The following KCNQ1OT1 variants were observed in gnomAD, a reference collection of about 807,000 sequenced individuals.
The protein encoded by KCNQ1OT1 is KCNQ1 opposite strand/antisense transcript 1.
Position 2,661,641 on chromosome 11 carries a change from C to A in KCNQ1OT1, n.38354G>T. ...TCTGTTTTATTCTTGACCCAAGTGT[C>A]AGTTGTGAACATGGGAAGAGGCCCA... On this transcript the variant is annotated non_coding_transcript_exon_variant, in exon 1 of 1. Transcript: ENST00000597346. The surrounding 1 kb of genome is among the most constrained non-coding windows in gnomAD (Gnocchi z 5.9). 1 of 592,386 alleles carries A rather than the reference C, an allele frequency of 1.7e-6. No homozygotes were observed. Among genetic ancestry groups the A allele is most frequent in the South Asian group, 2.1e-5 (1 of 48,048 alleles). 36.7% of individuals were successfully genotyped at this position (592,386 alleles called of 1,614,324 possible).
Position 2,691,060 on chromosome 11 carries a change from A to G in KCNQ1OT1, n.8935T>C. 1 of 398,672 alleles carries G rather than the reference A, an allele frequency of 2.5e-6. No individual in the cohort carries two copies. Among genetic ancestry groups the G allele is most frequent in the Non-Finnish European group, 4.4e-6 (1 of 226,076 alleles). The allele number at this position is 398,672 out of a possible 1,614,324, so 24.7% of individuals were successfully genotyped here. ...CAGGATATGCTGGGTGAGGGAAATA[A>G]TGGAGGCACCTTTGTTCTAGATGCC... On this transcript the variant is annotated non_coding_transcript_exon_variant, in exon 1 of 1. Transcript: ENST00000597346. This position sits in a 1 kb window ranked among gnomAD's most constrained non-coding sequence, Gnocchi z 6.4.
In KCNQ1OT1 at chr11:2,652,868, A is replaced by C; in HGVS notation, n.47127T>G. 2.5e-6 allele frequency: 1 copy of C among 398,702 alleles called. No homozygotes were observed. Among genetic ancestry groups the C allele is most frequent in the Non-Finnish European group, 4.4e-6 (1 of 226,130 alleles). 24.7% of individuals were successfully genotyped at this position (398,702 alleles called of 1,614,324 possible). A position where few individuals can be genotyped will look rare whatever the true frequency, so the allele number is the denominator to read the frequency against. ...GCTGAGGCTTGCTATACTTATTCTA[A>C]GGAGAAGTGTTTGGGGTGTGGGGTG... is the stretch of plus-strand genomic sequence containing the variant. On this transcript the variant is annotated non_coding_transcript_exon_variant, in exon 1 of 1. Transcript: ENST00000597346. This position sits in a 1 kb window ranked among gnomAD's most constrained non-coding sequence, Gnocchi z 5.9.
exon 1 of KCNQ1OT1, chr11:2,622,910 G>A (rs1353812726): frequency 1.0e-5 from 4 of 398,448 alleles, no homozygotes; most frequent in Admixed American, 4.4e-5. Context: ...GTTAACATTA[G>A]GGCTCACTGT....
exon 1 of KCNQ1OT1, chr11:2,686,358 C>A: frequency 2.5e-6 from 1 of 398,712 alleles, no homozygotes; most frequent in South Asian, 1.3e-4. Flanking sequence ...GGAGTATGCT[C>A]ACTTGGGCTT....
rs1024095387 is a variant in KCNQ1OT1, at chr11:2,620,899, T to G, written n.79096A>C. 4 of 398,436 alleles carry G rather than the reference T, an allele frequency of 1.0e-5. No individual in the cohort carries two copies. The highest frequency in any genetic ancestry group is 8.8e-5 in the Admixed American group (2 of 22,694). The allele number at this position is 398,436 out of a possible 1,614,324, so 24.7% of individuals were successfully genotyped here. ...AATTGCCATTCTGACTGGTGTGAGATGGCATCCCATTATGGTTTGGTGTTT... is the reference window on the plus strand; with the variant it reads ...AATTGCCATTCTGACTGGTGTGAGAGGGCATCCCATTATGGTTTGGTGTTT... On this transcript the variant is annotated non_coding_transcript_exon_variant, in exon 1 of 1. Transcript: ENST00000597346. The surrounding 1 kb of genome is among the most constrained non-coding windows in gnomAD (Gnocchi z 4.5).
rs1850726367 is a variant in KCNQ1OT1, at chr11:2,699,083, A to C, written n.912T>G. ...ACTCAAAACCACAACATGGATTCCC[A>C]ACTTCCATCCCAATAGCGCGGACTC... On this transcript the variant is annotated non_coding_transcript_exon_variant, in exon 1 of 1. Transcript: ENST00000597346. The C allele has an allele frequency of 1.3e-5, 5 of 398,476 alleles. No individual in the cohort carries two copies. The South Asian group carries it at 3.8e-4, about 30-fold the overall frequency. 24.7% of individuals were successfully genotyped at this position (398,476 alleles called of 1,614,324 possible).
rs1850346601 is a variant in KCNQ1OT1 at position 2,679,291 on chromosome 11, A to G, written n.20704T>C. 1 of 398,532 alleles carries G rather than the reference A, an allele frequency of 2.5e-6. No individual in the cohort carries two copies. The highest frequency in any genetic ancestry group is 2.1e-5 in the African/African-American group (1 of 48,632). 24.7% of individuals were successfully genotyped at this position (398,532 alleles called of 1,614,324 possible). A position where few individuals can be genotyped will look rare whatever the true frequency, so the allele number is the denominator to read the frequency against. On this transcript the variant is annotated non_coding_transcript_exon_variant, in exon 1 of 1. Transcript: ENST00000597346. The surrounding 1 kb of genome is among the most constrained non-coding windows in gnomAD (Gnocchi z 4.8). Reference sequence around the variant, plus strand: ...CCTTTACTAATCCATAGCCAAAGACAGGGGCTAATAACAGGGTCTGGAGTC... The same window carrying G: ...CCTTTACTAATCCATAGCCAAAGACGGGGGCTAATAACAGGGTCTGGAGTC...
exon 1 of KCNQ1OT1, chr11:2,610,189 GC>G (rs1292686106): frequency 2.5e-6 from 1 of 397,446 alleles, no homozygotes; most frequent in African/African-American, 2.1e-5. Context: ...ATTAGTGTTT[GC>G]TCTAGGGCTT....
chr11:2,654,295 G>T lies in KCNQ1OT1; in HGVS notation n.45700C>A, dbSNP rs960390365. 7.5e-6 allele frequency: 3 copies of T among 398,770 alleles called. No individual in the cohort carries two copies. Among genetic ancestry groups the T allele is most frequent in the South Asian group, 1.3e-4 (1 of 7,860 alleles). 24.7% of individuals were successfully genotyped at this position (398,770 alleles called of 1,614,324 possible). ...CAGGGCTTTGGTGAATCCACTGAGA[G>T]GGGGAGATTTCTTGAGGGGGCCAGG... On this transcript the variant is annotated non_coding_transcript_exon_variant, in exon 1 of 1. Coordinates refer to ENST00000597346, the Ensembl canonical transcript of KCNQ1OT1. This position sits in a 1 kb window ranked among gnomAD's most constrained non-coding sequence, Gnocchi z 6.4.
Position 2,677,241 on chromosome 11 carries a change from A to G in KCNQ1OT1, n.22754T>C, listed in dbSNP as rs1319227571. 1 of 398,510 alleles carries G rather than the reference A, an allele frequency of 2.5e-6. No homozygotes were observed. The highest frequency in any genetic ancestry group is 4.4e-6 in the Non-Finnish European group (1 of 226,074). 24.7% of individuals were successfully genotyped at this position (398,510 alleles called of 1,614,324 possible). On this transcript the variant is annotated non_coding_transcript_exon_variant, in exon 1 of 1. Transcript: ENST00000597346. The surrounding 1 kb of genome is among the most constrained non-coding windows in gnomAD (Gnocchi z 4.5). ...CAACCAAAGACAATATAAAGCACAC[A>G]CAAAGTAAAGAGGAACTTATAAAGA...
chr11:2,620,126 C>T lies in KCNQ1OT1; in HGVS notation n.79869G>A, dbSNP rs1849141347. 5.0e-6 allele frequency: 2 copies of T among 397,646 alleles called. No homozygotes were observed. The highest frequency in any genetic ancestry group is 8.9e-6 in the Non-Finnish European group (2 of 225,956). 24.6% of individuals were successfully genotyped at this position (397,646 alleles called of 1,614,324 possible). A position where few individuals can be genotyped will look rare whatever the true frequency, so the allele number is the denominator to read the frequency against. The stretch of plus-strand genomic sequence containing the variant: ...AACATGCAGTATTTGGTTTTCTGTT[C>T]CTGCATTAATTTGCTTAAGATAGTG... On this transcript the variant is annotated non_coding_transcript_exon_variant, in exon 1 of 1. Transcript: ENST00000597346. This position sits in a 1 kb window ranked among gnomAD's most constrained non-coding sequence, Gnocchi z 4.5.
At position 2,609,544 on chromosome 11, in the gene KCNQ1OT1, G is replaced by A. The variant is rs1215272072; in HGVS notation, n.90451C>T. 2.0e-5 allele frequency: 8 copies of A among 398,120 alleles called. 1 individual carries two copies. In the South Asian group the frequency reaches 1.0e-3, roughly 51 times the overall value. The allele number at this position is 398,120 out of a possible 1,614,324, so 24.7% of individuals were successfully genotyped here. On this transcript the variant is annotated non_coding_transcript_exon_variant, in exon 1 of 1. Coordinates refer to ENST00000597346, the Ensembl canonical transcript of KCNQ1OT1. ...TATAATTACCTTTTGAGTCTAGTTG[G>A]TTTATGGTGTTGCTCATATCTTCTG...
At chr11:2,675,203 G>A in exon 1 of KCNQ1OT1, 1 of 398,572 alleles carries the variant, frequency 2.5e-6, no homozygotes, top group Non-Finnish European at 4.4e-6. Context: ...TCAATATTGT[G>A]TCATTTCCCC....
At chr11:2,618,818 A>T in exon 1 of KCNQ1OT1, 1 of 398,340 alleles carries the variant, frequency 2.5e-6, no homozygotes, top group Non-Finnish European at 4.4e-6. Context: ...TGAGCATGGG[A>T]TATCTTTCCA....
chr11:2,694,255 G>A, exon 1 of KCNQ1OT1: 2 of 398,686 alleles, frequency 5.0e-6, no homozygotes, highest in Non-Finnish European at 4.4e-6. Flanking sequence ...AGGGCCTGCT[G>A]CCTTTAAAGA....
Position 2,661,177 on chromosome 11 carries a change from G to T in KCNQ1OT1, n.38818C>A, listed in dbSNP as rs1274688262. ...TTGGCAGTTAACACTGATGACCTTG[G>T]GGGAGGAAAGCCATTGTGAATCTTT... On this transcript the variant is annotated non_coding_transcript_exon_variant, in exon 1 of 1. Transcript: ENST00000597346. This position sits in a 1 kb window ranked among gnomAD's most constrained non-coding sequence, Gnocchi z 5.9. The T allele has an allele frequency of 1.3e-5, 5 of 398,454 alleles. No homozygotes were observed. Among genetic ancestry groups the T allele is most frequent in the Non-Finnish European group, 2.2e-5 (5 of 226,112 alleles). The allele number at this position is 398,454 out of a possible 1,614,324, so 24.7% of individuals were successfully genotyped here. A position where few individuals can be genotyped will look rare whatever the true frequency, so the allele number is the denominator to read the frequency against.
chr11:2,656,192 TA>T (rs908514954), exon 1 of KCNQ1OT1: 6 of 398,344 alleles, frequency 1.5e-5, no homozygotes, highest in African/African-American at 8.2e-5. Context: ...TTCCTTCCTT[TA>T]AAAAAAATTG....
rs529246348 is a variant in KCNQ1OT1 at position 2,633,533 on chromosome 11, G to C, written n.66462C>G. The C allele has an allele frequency of 1.7e-4, 67 of 398,478 alleles. No homozygotes were observed. The Middle Eastern group carries it at 1.9e-3, about 11-fold the overall frequency. 24.7% of individuals were successfully genotyped at this position (398,478 alleles called of 1,614,324 possible). A position where few individuals can be genotyped will look rare whatever the true frequency, so the allele number is the denominator to read the frequency against. ...TGTTTAAGTCTCTAATCAATTTTGAGTTGATTTTTTTATATGCTGAGAGAT... is the reference window on the plus strand; with the variant it reads ...TGTTTAAGTCTCTAATCAATTTTGACTTGATTTTTTTATATGCTGAGAGAT... On this transcript the variant is annotated non_coding_transcript_exon_variant, in exon 1 of 1. Coordinates refer to ENST00000597346, the Ensembl canonical transcript of KCNQ1OT1.
exon 1 of KCNQ1OT1, chr11:2,697,673 A>G: frequency 2.5e-6 from 1 of 398,584 alleles, no homozygotes; most frequent in East Asian, 3.6e-5. Context: ...AATTACATGG[A>G]TAAAGTTTCT....
Sources: gnomAD v4.1 joint callset for allele counts on GRCh38, gnomAD v4.1.1 for gene constraint, Gnocchi (gnomAD v3.1) non-coding constraint, MANE v1.5 for transcripts, NCBI Gene and HGNC (gene_info 2026-07-23, HGNC 2026-07-21) for gene names.